TPCN1: variants seen among roughly 807,000 people sequenced by gnomAD.
The protein encoded by TPCN1 is two pore channel protein 1.
TPCN1 carries 52 observed loss-of-function variants against 108.8 expected under a neutral mutation model. The observed-to-expected ratio is 0.48, with a 90% CI of 0.38 to 0.60. The LOEUF (loss-of-function observed/expected upper bound fraction) is 0.60, where lower values mean the gene tolerates loss of function less well. Ranked by LOEUF, TPCN1 falls within the 20% of genes least tolerant of loss-of-function variation. The pLI is 0.00. For synonymous variants in TPCN1, 446 were observed against 433.7 expected (o/e 1.03, Z -0.35); for missense variants, 806 against 1,072.8 (o/e 0.75, Z 3.47).
At chr12:113,230,073 C>G (rs1009897367) in intron 2 of TPCN1, among the ~76,000 whole-genome samples, 1 of 152,154 alleles carries the variant, frequency 6.6e-6, no homozygotes, top group Non-Finnish European at 1.5e-5. Context: ...CTTGTTTGCT[C>G]GTGGCCTCCA....
intron 2 of TPCN1, among the ~76,000 whole-genome samples, chr12:113,239,815 C>A (rs143703761): frequency 0.01 from 1,563 of 152,308 alleles, 25 homozygotes; most frequent in Non-Finnish European, 0.014. Flanking sequence ...TTGTAGACTG[C>A]CTGTCTCTCT....
intron 2 of TPCN1, among the ~76,000 whole-genome samples, chr12:113,250,702 C>T (rs1434304400): frequency 6.6e-6 from 1 of 152,190 alleles, no homozygotes; most frequent in African/African-American, 2.4e-5. Flanking sequence ...CGCCTGTAAT[C>T]CCAGCACTTT....
chr12:113,241,793 T>TGTGTGTGTGTGTGTGCGC (rs776600301), intron 2 of TPCN1, among the ~76,000 whole-genome samples: 7 of 150,430 alleles, frequency 4.7e-5, no homozygotes, highest in Non-Finnish European at 5.9e-5. Flanking sequence ...TGTGTGTGTG[T>TGTGTGTGTGTGTGTGCGC]GCGTGTGTGT....
chr12:113,257,064 G>C (rs1366161097), intron 2 of TPCN1, among the ~76,000 whole-genome samples: 6 of 152,114 alleles, frequency 3.9e-5, no homozygotes, highest in Non-Finnish European at 8.8e-5. Flanking sequence ...AGAAAAAGGT[G>C]AAAGATCTGG....
chr12:113,248,673 C>T (rs1192373513), intron 2 of TPCN1, among the ~76,000 whole-genome samples: 1 of 152,134 alleles, frequency 6.6e-6, no homozygotes, highest in Non-Finnish European at 1.5e-5. Context: ...GCAGGCAGGA[C>T]GAGGTGACTT....
At chr12:113,224,258 C>A (rs61943581) in intron 1 of TPCN1, among the ~76,000 whole-genome samples, 8,977 of 152,196 alleles carry the variant, frequency 0.059, 364 homozygotes, top group Middle Eastern at 0.072. Flanking sequence ...GCCTGAAATA[C>A]CCACCACACC....
chr12:113,228,105 G>C (rs1291613681), intron 2 of TPCN1, among the ~76,000 whole-genome samples: 1 of 152,210 alleles, frequency 6.6e-6, no homozygotes, highest in African/African-American at 2.4e-5. Context: ...CCTTTGCAAG[G>C]CTAGGCAGTA....
At chr12:113,267,992 C>A in intron 5 of TPCN1, 36 bp downstream of exon 5, 1 of 1,404,418 alleles carries the variant, frequency 7.1e-7, no homozygotes, top group Non-Finnish European at 1.0e-6. Context: ...CCCCTCACAG[C>A]CTTTTCTCCC....
chr12:113,266,041 AT>A lies in TPCN1; in HGVS notation c.238-135del. On this transcript the variant is annotated intron_variant, in intron 3 of 27. Coordinates refer to ENST00000335509, the MANE Select transcript of TPCN1 (RefSeq NM_017901.6). This position sits in a 1 kb window ranked among gnomAD's most constrained non-coding sequence, Gnocchi z 4.2. ...CGTGAGTTTCGCGAAGATCATTTTG[AT>A]TTTCCAGCATCTTCTGTCTCTGGCC... The A allele has an allele frequency of 1.1e-6, 1 of 920,174 alleles. No individual in the cohort carries two copies. The highest frequency in any genetic ancestry group is 1.7e-6 in the Non-Finnish European group (1 of 605,922). 57.0% of individuals were successfully genotyped at this position (920,174 alleles called of 1,614,324 possible).
intron 2 of TPCN1, among the ~76,000 whole-genome samples, chr12:113,233,914 T>G (rs1384036338): frequency 6.6e-6 from 1 of 152,212 alleles, no homozygotes; most frequent in Non-Finnish European, 1.5e-5. Context: ...GTCTCTTACC[T>G]AGTATGCCCC....
intron 2 of TPCN1, among the ~76,000 whole-genome samples, chr12:113,229,777 C>T (rs1953613188): frequency 6.6e-6 from 1 of 152,216 alleles, no homozygotes; most frequent in Non-Finnish European, 1.5e-5. Context: ...TAGGCGTGAG[C>T]CACCACACCC....
In TPCN1 at chr12:113,284,062, G is replaced by T. The variant is rs1260065929; in HGVS notation, c.1343-519G>T. ...TCCCCTACTGATGATCATTGAGATT[G>T]TTGCCAGTGTTTTGCTATCACAATA... is the stretch of plus-strand genomic sequence containing the variant. On this transcript the variant is annotated intron_variant, in intron 15 of 27. Coordinates refer to ENST00000335509, the MANE Select transcript of TPCN1 (RefSeq NM_017901.6). This position sits in a 1 kb window ranked among gnomAD's most constrained non-coding sequence, Gnocchi z 4.1. 1.3e-5 allele frequency among the ~76,000 whole-genome samples: 2 copies of T among 152,204 alleles called. No homozygotes were observed. Among genetic ancestry groups the T allele is most frequent in the African/African-American group, 4.8e-5 (2 of 41,448 alleles).
chr12:113,252,332 C>T (rs912769956), intron 2 of TPCN1, among the ~76,000 whole-genome samples: 2 of 152,054 alleles, frequency 1.3e-5, no homozygotes, highest in African/African-American at 2.4e-5. Flanking sequence ...AGGGATGCTG[C>T]GGTATAAGTG....
chr12:113,266,843 G>A lies in TPCN1; in HGVS notation c.414+487G>A, dbSNP rs1340541058. On this transcript the variant is annotated intron_variant, in intron 4 of 27. Coordinates refer to ENST00000335509, the MANE Select transcript of TPCN1 (RefSeq NM_017901.6). This position sits in a 1 kb window ranked among gnomAD's most constrained non-coding sequence, Gnocchi z 4.2. ...TGTGCTTGTCCCCTTCTCAAGGGGT[G>A]TGTGGTAGGCATGGAAGCAGGGAAG... is the stretch of plus-strand genomic sequence containing the variant. 6.6e-6 allele frequency among the ~76,000 whole-genome samples: 1 copy of A among 152,232 alleles called. No individual in the cohort carries two copies. The highest frequency in any genetic ancestry group is 2.4e-5 in the African/African-American group (1 of 41,462).
At chr12:113,283,244 C>A (rs142207717) in intron 15 of TPCN1, among the ~76,000 whole-genome samples, 102 of 152,282 alleles carry the variant, frequency 6.7e-4, no homozygotes, top group African/African-American at 2.3e-3. Context: ...AAGTTGGATA[C>A]CTATCAATAT....
Position 113,291,023 on chromosome 12 carries a change from G to A in TPCN1, c.1959+25G>A, listed in dbSNP as rs770257060. On this transcript the variant is annotated intron_variant, in intron 23 of 27. Transcript: ENST00000335509. ...GGTAAGAGCTCGGGCAGCTCTGGGG[G>A]TATCTTCCCGCCAGCCCTGGGGTCG... The A allele has an allele frequency of 5.5e-5, 88 of 1,611,688 alleles. 1 individual carries two copies. The highest frequency in any genetic ancestry group is 7.2e-5 in the Non-Finnish European group (85 of 1,178,944).
Position 113,278,784 on chromosome 12 carries a change from A to G in TPCN1, c.1246A>G (p.Arg416Gly). 1 of 1,614,036 alleles carries G rather than the reference A, an allele frequency of 6.2e-7. No homozygotes were observed. The highest frequency in any genetic ancestry group is 8.5e-7 in the Non-Finnish European group (1 of 1,179,934). Residue 416 changes from arginine (R) to glycine (G), a missense_variant, in exon 14 of 28, where the codon AGA (arginine) becomes GGA (glycine). By Grantham distance (125) the Arg-to-Gly change is moderately radical (BLOSUM62 -2). Transcript: ENST00000335509. The part of the protein sequence containing the change: ...AALKWKAKKN[R>G]EHWFDELPRT... ...TGTTGTCTACCAGGCCAAGAAAAAC[A>G]GAGAGCACTGGTTTGATGAGCTTCC... is the stretch of plus-strand genomic sequence containing the variant.
Position 113,285,911 on chromosome 12 carries a change from G to A in TPCN1, c.1476G>A (p.Leu492=). The A allele has an allele frequency of 6.2e-7, 1 of 1,614,222 alleles. No individual in the cohort carries two copies. The highest frequency in any genetic ancestry group is 8.5e-7 in the Non-Finnish European group (1 of 1,180,024). Residue 492 remains leucine, a synonymous_variant, in exon 18 of 28, where the codon CTG becomes CTA. Transcript: ENST00000335509. ...FLTIYGVELF[L]KVAGLGPVEY... ...CAGTCTATGGGGTGGAGCTGTTCCT[G>A]AAGGTTGCCGGCCTGGGCCCTGTGG...
Position 113,287,401 on chromosome 12 carries a change from C to G in TPCN1, c.1634+307C>G, listed in dbSNP as rs544718922. On this transcript the variant is annotated intron_variant, in intron 19 of 27. Transcript: ENST00000335509. The stretch of plus-strand genomic sequence containing the variant: ...GCCCATATGCTCAAGTCACAGATCA[C>G]AGAGCCACAGGTCTGAGGGTTGGAA... 3.4e-5 allele frequency: 12 copies of G among 353,808 alleles called. 1 individual carries two copies. In the South Asian group the frequency reaches 5.8e-4, roughly 17 times the overall value. The allele number at this position is 353,808 out of a possible 1,614,324, so 21.9% of individuals were successfully genotyped here.
Sources: gnomAD v4.1 joint callset for allele counts (sites outside exome capture counted in the v4.1 genomes callset) on GRCh38, gnomAD v4.1.1 for gene constraint, Gnocchi (gnomAD v3.1) non-coding constraint, MANE v1.5 for transcripts, NCBI Gene and HGNC (gene_info 2026-07-23, HGNC 2026-07-21) for gene names.